TRIM55: variants seen among roughly 807,000 people sequenced by gnomAD.
The protein encoded by TRIM55 is tripartite motif containing 55, also known as tripartite motif-containing protein 55.
In TRIM55, 50 loss-of-function variants were observed where a neutral mutation model predicts 60.9. The observed-to-expected ratio is 0.82, with a 90% CI of 0.65 to 1.04. The LOEUF (loss-of-function observed/expected upper bound fraction) is 1.04. Among genes scored for constraint, TRIM55 ranks in the 50% least tolerant of loss-of-function variants. The probability of loss-of-function intolerance (pLI) is 0.00; values close to 1 mark genes in which losing one functional copy is unlikely to be tolerated. For synonymous variants in TRIM55, 237 were observed against 238.1 expected, an observed-to-expected ratio of 1.00 and a Z score of 0.04; for missense variants, 681 against 666.9, an observed-to-expected ratio of 1.02 and a Z score of -0.23.
chr8:66,124,165 G>C (rs932960156), upstream of TRIM55, among the ~76,000 whole-genome samples: 1 of 152,228 alleles, frequency 6.6e-6, no homozygotes, highest in African/African-American at 2.4e-5. Flanking sequence ...CATGACCTGT[G>C]CCAGGGCTTC....
intron 9 of TRIM55, among the ~76,000 whole-genome samples, chr8:66,155,346 A>G (rs1810678990): frequency 6.6e-6 from 1 of 152,242 alleles, no homozygotes; most frequent in Non-Finnish European, 1.5e-5. Context: ...TTTCACAGAT[A>G]AAATGACAAA....
chr8:66,118,319 T>A, the TRIM55 span, among the ~76,000 whole-genome samples: 2 of 151,526 alleles, frequency 1.3e-5, no homozygotes, highest in Non-Finnish European at 2.9e-5. Context: ...GAACAAAAGA[T>A]TTCAAGCAGA....
chr8:66,155,161 A>C (rs1810668521), intron 9 of TRIM55, among the ~76,000 whole-genome samples: 1 of 152,234 alleles, frequency 6.6e-6, no homozygotes, highest in Non-Finnish European at 1.5e-5. Context: ...CTCCAGTTCC[A>C]TGCTCCTGGG....
intron 4 of TRIM55, among the ~76,000 whole-genome samples, chr8:66,145,785 G>A (rs1465742427): frequency 2.0e-5 from 3 of 152,168 alleles, no homozygotes; most frequent in African/African-American, 7.2e-5. Context: ...AGGATTACAG[G>A]TGTGAGCCAC....
chr8:66,169,220 T>C (rs1230631164), intron 9 of TRIM55, among the ~76,000 whole-genome samples: 1 of 152,140 alleles, frequency 6.6e-6, no homozygotes, highest in Non-Finnish European at 1.5e-5. Context: ...TTTCATTAGG[T>C]AGAAGAGGTG....
At chr8:66,131,777 T>G (rs1314503129) in intron 2 of TRIM55, among the ~76,000 whole-genome samples, 1 of 152,218 alleles carries the variant, frequency 6.6e-6, no homozygotes, top group Non-Finnish European at 1.5e-5. Flanking sequence ...TATTGTAAGC[T>G]TCTCACTGCA....
At chr8:66,132,496 C>T (rs1374419496) in intron 2 of TRIM55, among the ~76,000 whole-genome samples, 1 of 152,132 alleles carries the variant, frequency 6.6e-6, no homozygotes, top group Non-Finnish European at 1.5e-5. Flanking sequence ...CTTCAATTGC[C>T]TCACCAAGAC....
At chr8:66,131,566 C>T (rs772429720) in intron 2 of TRIM55, among the ~76,000 whole-genome samples, 21 of 152,316 alleles carry the variant, frequency 1.4e-4, no homozygotes, top group Middle Eastern at 6.8e-3. Flanking sequence ...CCCCTTGCTC[C>T]CTGGATTCCA....
chr8:66,116,373 C>T, the TRIM55 span, among the ~76,000 whole-genome samples: 44 of 151,970 alleles, frequency 2.9e-4, 1 homozygote, highest in South Asian at 6.4e-3. Flanking sequence ...TTGAGAGGCC[C>T]GGGCAGACAG....
chr8:66,174,333 A>G, intron 9 of TRIM55, 138 bp from the exon 10 acceptor site: 2 of 602,116 alleles, frequency 3.3e-6, no homozygotes, highest in Non-Finnish European at 4.7e-6. Flanking sequence ...TCTAATAATT[A>G]TGTGCCATAT....
At chr8:66,115,496 G>T in the TRIM55 span, among the ~76,000 whole-genome samples, 6 of 152,300 alleles carry the variant, frequency 3.9e-5, no homozygotes, top group Admixed American at 3.9e-4. Context: ...TTAAGTGACC[G>T]AAAGAGCAAG....
At chr8:66,153,985 C>G (rs533223679) in intron 8 of TRIM55, 62 bp from the exon 9 acceptor site, 2 of 1,508,592 alleles carry the variant, frequency 1.3e-6, no homozygotes, top group East Asian at 4.6e-5. Flanking sequence ...AAATCAACTG[C>G]TTTTTCTTCT....
At chr8:66,124,652 A>T (rs1287594590), upstream of TRIM55, among the ~76,000 whole-genome samples, 1 of 152,264 alleles carries the variant, frequency 6.6e-6, no homozygotes, top group Admixed American at 6.5e-5. Context: ...AAAATCATTA[A>T]GCCAAAGGGA....
chr8:66,161,488 A>C (rs1483122305), intron 9 of TRIM55, among the ~76,000 whole-genome samples: 1 of 152,020 alleles, frequency 6.6e-6, no homozygotes, highest in East Asian at 1.9e-4. Flanking sequence ...CTTTTTGCTT[A>C]GTCTTTCTTT....
At chr8:66,150,506 G>A (rs368315005) in intron 7 of TRIM55, 40 bp downstream of exon 7, 2 of 1,611,286 alleles carry the variant, frequency 1.2e-6, no homozygotes, top group Non-Finnish European at 1.7e-6. Context: ...AGTTGCAGGT[G>A]TGTGAAAGCT....
the TRIM55 span, among the ~76,000 whole-genome samples, chr8:66,121,788 C>T: frequency 1.3e-5 from 2 of 152,012 alleles, no homozygotes; most frequent in African/African-American, 4.8e-5. Context: ...TGAGGGCTGC[C>T]CCATTCATGA....
At chr8:66,148,460 A>C (rs1450823535) in intron 4 of TRIM55, among the ~76,000 whole-genome samples, 1 of 152,266 alleles carries the variant, frequency 6.6e-6, no homozygotes, top group Non-Finnish European at 1.5e-5. Flanking sequence ...CAGAAAGTTA[A>C]AAGTTGCATT....
intron 2 of TRIM55, among the ~76,000 whole-genome samples, chr8:66,129,961 G>C (rs141590397): frequency 2.2e-3 from 335 of 152,266 alleles, no homozygotes; most frequent in African/African-American, 7.9e-3. Context: ...TTCAGAGCTA[G>C]TACAGTGCTT....
chr8:66,123,893 T>G (rs556124107), upstream of TRIM55, among the ~76,000 whole-genome samples: 6 of 152,296 alleles, frequency 3.9e-5, no homozygotes, highest in Non-Finnish European at 8.8e-5. Flanking sequence ...TTTTTGTTTT[T>G]TTCTACAAAT....
Sources: allele counts gnomAD v4.1 joint callset (sites outside exome capture counted in the v4.1 genomes callset), GRCh38; gene constraint gnomAD v4.1.1; transcripts MANE v1.5; gene names NCBI Gene and HGNC (gene_info 2026-07-23, HGNC 2026-07-21).